The following HSPA9 variants were observed in gnomAD, a reference collection of about 807,000 sequenced individuals.
HSPA9 encodes heat shock protein family A (Hsp70) member 9.
In HSPA9, 28 loss-of-function variants were observed where a neutral mutation model predicts 81.5. The ratio of observed to expected loss-of-function variants is 0.34; its 90% CI spans 0.25 to 0.47. The LOEUF (loss-of-function observed/expected upper bound fraction) is 0.47. Ranked by LOEUF, HSPA9 falls within the 20% of genes least tolerant of loss-of-function variation. HSPA9 has a pLI of 1.00. For synonymous variants in HSPA9, 293 were observed against 290.4 expected, an observed-to-expected ratio of 1.01 and a Z score of -0.09; for missense variants, 678 against 838.0, an observed-to-expected ratio of 0.81 and a Z score of 2.36.
intron 8 of HSPA9, 57 bp downstream of exon 8, chr5:138,566,944 G>T: frequency 6.5e-7 from 1 of 1,548,734 alleles, no homozygotes; most frequent in South Asian, 1.1e-5. Flanking sequence ...AGAGCAATCT[G>T]AACAAAGAAT....
At position 138,567,576 on chromosome 5, in the gene HSPA9, GA is replaced by G; in HGVS notation, c.610-16del. The G allele has an allele frequency of 6.2e-7, 1 of 1,612,158 alleles. No homozygotes were observed. The highest frequency in any genetic ancestry group is 8.5e-7 in the Non-Finnish European group (1 of 1,178,202). On this transcript the variant is annotated splice_polypyrimidine_tract_variant and intron_variant, in intron 6 of 16. Coordinates refer to ENST00000297185, the MANE Select transcript of HSPA9 (RefSeq NM_004134.7). ...TCTTTAGTGGCCTAGAGAAAACAAAGAGAAAAACATTTTTGTACCCTTCCAT... is the reference window on the plus strand; with the variant it reads ...TCTTTAGTGGCCTAGAGAAAACAAAGGAAAAACATTTTTGTACCCTTCCAT...
chr5:138,557,560 T>C (rs1750555024), intron 13 of HSPA9, 64 bp from the exon 14 acceptor site: 4 of 973,990 alleles, frequency 4.1e-6, no homozygotes, highest in Middle Eastern at 2.2e-4. Context: ...TCTTCCTCCA[T>C]TGCATTAAGA....
chr5:138,566,885 T>C, intron 8 of HSPA9, 116 bp downstream of exon 8: 3 of 1,201,210 alleles, frequency 2.5e-6, no homozygotes, highest in South Asian at 2.4e-5. Context: ...CTGAAAAGAG[T>C]ATCTGTGTCT....
At position 138,561,576 on chromosome 5, in the gene HSPA9, A is replaced by G; in HGVS notation, c.1182+4T>C. On this transcript the variant is annotated splice_donor_region_variant and intron_variant, in intron 10 of 16. Transcript: ENST00000297185. ...CTCCACGACAGAATTCCACTGGTCC[A>G]TACCTTGGGCATCCTAGTCATGCCA... 1 of 1,611,066 alleles carries G rather than the reference A, an allele frequency of 6.2e-7. No individual in the cohort carries two copies. The highest frequency in any genetic ancestry group is 2.2e-5 in the East Asian group (1 of 44,886).
At chr5:138,562,432 T>A (rs1750681781) in intron 9 of HSPA9, among the ~76,000 whole-genome samples, 1 of 151,768 alleles carries the variant, frequency 6.6e-6, no homozygotes, top group Non-Finnish European at 1.5e-5. Context: ...ATGCCTGTAA[T>A]CCCAGCTACT....
chr5:138,564,800 C>A (rs1750730064), intron 9 of HSPA9, among the ~76,000 whole-genome samples: 1 of 152,192 alleles, frequency 6.6e-6, no homozygotes, highest in Admixed American at 6.5e-5. Flanking sequence ...GCTCACAACT[C>A]TTAGGGGAAG....
intron 14 of HSPA9, 21 bp downstream of exon 14, chr5:138,557,381 C>T (rs368579099): frequency 1.4e-4 from 220 of 1,525,720 alleles, no homozygotes; most frequent in Non-Finnish European, 1.9e-4. Flanking sequence ...GATTAAAGTT[C>T]AGAAGACAAG....
At chr5:138,560,798 T>G (rs1014245025) in intron 10 of HSPA9, 16 of 390,210 alleles carry the variant, frequency 4.1e-5, no homozygotes, top group Non-Finnish European at 7.0e-5. Context: ...TCCGCCCGCC[T>G]TGGCCTCCCA....
intron 9 of HSPA9, among the ~76,000 whole-genome samples, chr5:138,562,407 C>A (rs149356538): frequency 1.3e-5 from 2 of 151,410 alleles, no homozygotes; most frequent in Non-Finnish European, 2.9e-5. Flanking sequence ...AAAAATTAGC[C>A]GGGCGTGGTG....
intron 1 of HSPA9, 57 bp from the exon 2 acceptor site, chr5:138,574,183 G>C (rs184017911): frequency 7.9e-7 from 1 of 1,261,478 alleles, no homozygotes; most frequent in Non-Finnish European, 1.2e-6. Flanking sequence ...GGAGGAAAAA[G>C]AGAAAACTTG....
In HSPA9 at chr5:138,567,185, AAAAAG is replaced by A. The variant is rs746025885; in HGVS notation, c.717-27_717-23del. ...AATGCTGTAAATGATTTGTGAAAAA[AAAAAG>A]AAAAGAAATCCTTAAGAACAAAACC... On this transcript the variant is annotated intron_variant, in intron 7 of 16. Coordinates refer to ENST00000297185, the MANE Select transcript of HSPA9 (RefSeq NM_004134.7). 180 of 1,590,286 alleles carry A rather than the reference AAAAAG, an allele frequency of 1.1e-4. 1 individual carries two copies. The highest frequency in any genetic ancestry group is 3.3e-4 in the Middle Eastern group (2 of 6,030).
rs747364513 is a variant in HSPA9, at chr5:138,556,094, G to A, written c.1983C>T (p.Gly661=). 25 of 1,613,400 alleles carry A rather than the reference G, an allele frequency of 1.5e-5. No homozygotes were observed. Among genetic ancestry groups the A allele is most frequent in the Non-Finnish European group, 2.1e-5 (25 of 1,179,636 alleles). ...AYKKMASERE[G]SGSSGTGEQK... ...GTTCCCCAGTGCCAGAACTTCCAGA[G>A]CCTTCTCGCTCAGATGCCATCTGTT... Residue 661 remains glycine, a synonymous_variant, in exon 17 of 17, where the codon GGC becomes GGT. Transcript: ENST00000297185.
chr5:138,563,867 G>T (rs546540392), intron 9 of HSPA9, among the ~76,000 whole-genome samples: 1 of 152,330 alleles, frequency 6.6e-6, no homozygotes, highest in Non-Finnish European at 1.5e-5. Flanking sequence ...CTAGGCTGCA[G>T]GTTGGACAAG....
chr5:138,558,445 C>A (rs1750580699), intron 12 of HSPA9, 108 bp downstream of exon 12: 1 of 791,936 alleles, frequency 1.3e-6, no homozygotes, highest in Non-Finnish European at 2.2e-6. Context: ...CAAGACTACT[C>A]AGTATGTATG....
chr5:138,560,115 T>C, intron 10 of HSPA9, 24 bp from the exon 11 acceptor site: 1 of 1,584,054 alleles, frequency 6.3e-7, no homozygotes, highest in Non-Finnish European at 8.7e-7. Context: ...AAAAAGAACC[T>C]GTCGGCCCAC....
intron 16 of HSPA9, 21 bp downstream of exon 16, chr5:138,556,431 A>G: frequency 6.2e-7 from 1 of 1,611,842 alleles, no homozygotes; most frequent in Non-Finnish European, 8.5e-7. Flanking sequence ...TTAGAATCAA[A>G]ATCCACTTCA....
Position 138,566,697 on chromosome 5 carries a change from C to T in HSPA9, c.901G>A (p.Asp301Asn). 6.2e-7 allele frequency: 1 copy of T among 1,613,918 alleles called. No individual in the cohort carries two copies. Among genetic ancestry groups the T allele is most frequent in the Non-Finnish European group, 8.5e-7 (1 of 1,179,826 alleles). The change falls in exon 9 of 17, where the codon GAC becomes AAC. Residue 301 changes from aspartate (D) to asparagine (N), a missense_variant. Physicochemically the swap from Asp to Asn is conservative, Grantham distance 23. Transcript: ENST00000297185. ...KRETGVDLTK[D>N]NMALQRVREA... ...CGTACCCTCTGAAGTGCCATGTTGT[C>T]TTTAGTCAAATCAACCCCTGTCTAT... is the stretch of plus-strand genomic sequence containing the variant.
At chr5:138,562,559 C>CA (rs1750684324) in intron 9 of HSPA9, among the ~76,000 whole-genome samples, 2 of 151,588 alleles carry the variant, frequency 1.3e-5, no homozygotes, top group Non-Finnish European at 2.9e-5. Flanking sequence ...CTCAAAAAAA[C>CA]AAAAAAACAA....
rs939976449 is a variant in HSPA9 at position 138,561,661 on chromosome 5, T to A, written c.1101A>T (p.Gln367His). ...DLIRRTIAPC[Q>H]KAMQDAEVSK... ...TGACTTCTGCATCTTGCATAGCTTTTTGGCATGGAGCGATAGTCCTTCTGA... is the reference window on the plus strand; with the variant it reads ...TGACTTCTGCATCTTGCATAGCTTTATGGCATGGAGCGATAGTCCTTCTGA... The change falls in exon 10 of 17, where the codon CAA becomes CAT. Residue 367 changes from glutamine to histidine, a missense_variant. By Grantham distance (24) the Gln-to-His change is conservative. Coordinates refer to ENST00000297185, the MANE Select transcript of HSPA9 (RefSeq NM_004134.7). The A allele has an allele frequency of 3.7e-6, 6 of 1,614,076 alleles. No homozygotes were observed. The highest frequency in any genetic ancestry group is 4.2e-6 in the Non-Finnish European group (5 of 1,180,036).
Sources: allele counts gnomAD v4.1 joint callset (sites outside exome capture counted in the v4.1 genomes callset), GRCh38; gene constraint gnomAD v4.1.1; transcripts MANE v1.5; gene names NCBI Gene and HGNC (gene_info 2026-07-23, HGNC 2026-07-21).